UGT1A8: variants seen among roughly 807,000 people sequenced by gnomAD.
UGT1A8 encodes UDP glucuronosyltransferase family 1 member A8.
Under a neutral mutation model 45.3 loss-of-function variants are expected in UGT1A8, and 39 were observed. The ratio of observed to expected loss-of-function variants is 0.86; its 90% CI spans 0.67 to 1.12. The LOEUF (loss-of-function observed/expected upper bound fraction) is 1.12. Among genes scored for constraint, UGT1A8 ranks in the 50% most tolerant of loss-of-function variants. The pLI, the probability that UGT1A8 is intolerant of heterozygous loss-of-function variation, is 0.00. For missense variants in UGT1A8, 719 were observed against 664.9 expected (o/e 1.08, Z -0.90); for synonymous variants, 275 against 249.2 (o/e 1.10, Z -0.97).
intron 1 of UGT1A8, among the ~76,000 whole-genome samples, chr2:233,643,077 C>T (rs2073498006): frequency 6.6e-6 from 1 of 152,218 alleles, no homozygotes; most frequent in Non-Finnish European, 1.5e-5. Flanking sequence ...TTGCTCAACG[C>T]CCTTGGGCTT....
chr2:233,689,913 C>A (rs1222600781), intron 1 of UGT1A8: 1 of 456,674 alleles, frequency 2.2e-6, no homozygotes, highest in Admixed American at 2.3e-5. Context: ...AGGTAGGTGC[C>A]TGGAATTTCC....
chr2:233,755,291 C>G (rs1483791202), intron 1 of UGT1A8: 2 of 651,218 alleles, frequency 3.1e-6, no homozygotes, highest in Admixed American at 2.9e-5. Flanking sequence ...AAAGAGCCTG[C>G]GGGGCACTGG....
chr2:233,650,971 A>T (rs2073724681), intron 1 of UGT1A8, among the ~76,000 whole-genome samples: 1 of 152,194 alleles, frequency 6.6e-6, no homozygotes, highest in African/African-American at 2.4e-5. Context: ...TTTGTAACAC[A>T]GTTGTATGTC....
intron 1 of UGT1A8, among the ~76,000 whole-genome samples, chr2:233,711,406 G>T (rs931347062): frequency 6.6e-6 from 1 of 152,222 alleles, no homozygotes; most frequent in Non-Finnish European, 1.5e-5. Flanking sequence ...CCTCACCCCG[G>T]GCTCATCAGG....
At chr2:233,718,883 T>C in intron 1 of UGT1A8, 2 of 1,613,952 alleles carry the variant, frequency 1.2e-6, no homozygotes, top group Non-Finnish European at 1.7e-6. Flanking sequence ...TCCTCCTCAG[T>C]GTCCAGCCCT....
intron 1 of UGT1A8, among the ~76,000 whole-genome samples, chr2:233,642,974 C>A (rs1444544027): frequency 6.6e-6 from 1 of 152,190 alleles, no homozygotes; most frequent in Non-Finnish European, 1.5e-5. Context: ...GTGGCCATCA[C>A]CACTATGACT....
Position 233,718,901 on chromosome 2 carries a change from G to T in UGT1A8, c.856-48133G>T, listed in dbSNP as rs377204506. On this transcript the variant is annotated intron_variant, in intron 1 of 4. Coordinates refer to ENST00000373450, the MANE Select transcript of UGT1A8 (RefSeq NM_019076.5). Reference sequence around the variant, plus strand: ...TCCTCAGTGTCCAGCCCTGGGCTGAGAGTGGAAAGGTGTTGGTGGTGCCCA... The same window carrying T: ...TCCTCAGTGTCCAGCCCTGGGCTGATAGTGGAAAGGTGTTGGTGGTGCCCA... The T allele has an allele frequency of 2.5e-6, 4 of 1,613,936 alleles. No individual in the cohort carries two copies. The South Asian group carries it at 4.4e-5, about 18-fold the overall frequency.
At chr2:233,677,755 G>C (rs1223432615) in intron 1 of UGT1A8, among the ~76,000 whole-genome samples, 1 of 151,888 alleles carries the variant, frequency 6.6e-6, no homozygotes, top group Non-Finnish European at 1.5e-5. Context: ...CATCCCCTGT[G>C]GGAAGTAGTT....
At chr2:233,750,254 C>A (rs1056169582) in intron 1 of UGT1A8, among the ~76,000 whole-genome samples, 6 of 152,046 alleles carry the variant, frequency 3.9e-5, no homozygotes, top group African/African-American at 1.5e-4. Flanking sequence ...ACAAAGGTCA[C>A]CCTTGCTATG....
intron 1 of UGT1A8, chr2:233,682,555 A>G: frequency 1.2e-6 from 2 of 1,613,922 alleles, no homozygotes; most frequent in Non-Finnish European, 1.7e-6. Flanking sequence ...TCAAGGAGAG[A>G]GTATGGAACC....
intron 1 of UGT1A8, among the ~76,000 whole-genome samples, chr2:233,695,188 C>T (rs1163062852): frequency 5.5e-5 from 8 of 145,440 alleles, no homozygotes; most frequent in Non-Finnish European, 8.9e-5. Context: ...TGCAGTGGTG[C>T]GATCTCAGCC....
rs573897280 is a variant in UGT1A8 at position 233,648,440 on chromosome 2, T to A, written c.855+29878T>A. ...TCAGGGTTTTCGGATGCTGTGACTT[T>A]TTATTATTATTATTATTTTTATTTA... On this transcript the variant is annotated intron_variant, in intron 1 of 4. Coordinates refer to ENST00000373450, the MANE Select transcript of UGT1A8 (RefSeq NM_019076.5). 20 of 156,738 alleles carry A rather than the reference T, an allele frequency of 1.3e-4. No homozygotes were observed. The South Asian group carries it at 3.3e-3, about 26-fold the overall frequency. The allele number at this position is 156,738 out of a possible 1,614,324, so 9.7% of individuals were successfully genotyped here.
At chr2:233,704,368 C>G in intron 1 of UGT1A8, among the ~76,000 whole-genome samples, 1 of 150,424 alleles carries the variant, frequency 6.6e-6, no homozygotes, top group East Asian at 1.9e-4. Context: ...TGTTCTAGGG[C>G]TTAGCACATC....
chr2:233,674,818 G>A (rs148922555), intron 1 of UGT1A8, among the ~76,000 whole-genome samples: 5 of 152,284 alleles, frequency 3.3e-5, no homozygotes, highest in East Asian at 1.9e-4. Flanking sequence ...AAGGCTTTCC[G>A]GCAAAGAGCC....
In UGT1A8 at chr2:233,747,934, G is replaced by A. The variant is rs544310415; in HGVS notation, c.856-19100G>A. The A allele has an allele frequency of 2.5e-6, 4 of 1,613,444 alleles. No individual in the cohort carries two copies. In the South Asian group the frequency reaches 3.3e-5, roughly 13 times the overall value. ...AGCCTTGCCTCTGAGCTTTTTCAGAGGGAGGTGTCAGTGGTGGATCTTCTC... is the reference window on the plus strand; with the variant it reads ...AGCCTTGCCTCTGAGCTTTTTCAGAAGGAGGTGTCAGTGGTGGATCTTCTC... On this transcript the variant is annotated intron_variant, in intron 1 of 4. Coordinates refer to ENST00000373450, the MANE Select transcript of UGT1A8 (RefSeq NM_019076.5).
intron 1 of UGT1A8, among the ~76,000 whole-genome samples, chr2:233,678,037 G>T (rs2074406811): frequency 6.6e-6 from 1 of 152,098 alleles, no homozygotes. Flanking sequence ...TGCAGCTGGA[G>T]GTCATTACCC....
intron 1 of UGT1A8, among the ~76,000 whole-genome samples, chr2:233,642,380 CTT>C (rs1209296267): frequency 6.6e-6 from 1 of 152,140 alleles, no homozygotes. Flanking sequence ...ATTTCAATCT[CTT>C]TGTTAAATTT....
At chr2:233,737,384 T>C (rs375300244) in intron 1 of UGT1A8, among the ~76,000 whole-genome samples, 6 of 152,362 alleles carry the variant, frequency 3.9e-5, no homozygotes, top group African/African-American at 1.4e-4. Context: ...GAGAATCTCC[T>C]TGTCTGCCAG....
rs146196081 is a variant in UGT1A8 at position 233,726,249 on chromosome 2, T to G, written c.856-40785T>G. ...TTTTTAAAACTCCAATATGAAAAGC[T>G]GGGTGCAGTGGCATGCGCCTATGGT... On this transcript the variant is annotated intron_variant, in intron 1 of 4. Transcript: ENST00000373450. Among the ~76,000 whole-genome samples, 3 of 152,316 alleles carry G rather than the reference T, an allele frequency of 2.0e-5. No individual in the cohort carries two copies. In the East Asian group the frequency reaches 5.8e-4, roughly 29 times the overall value.
Sources: gnomAD v4.1 joint callset for allele counts (sites outside exome capture counted in the v4.1 genomes callset) on GRCh38, gnomAD v4.1.1 for gene constraint, MANE v1.5 for transcripts, NCBI Gene and HGNC (gene_info 2026-07-23, HGNC 2026-07-21) for gene names.